The following ARB2A variants were observed in gnomAD, a reference collection of about 807,000 sequenced individuals.
The protein encoded by ARB2A is cotranscriptional regulator ARB2A.
the ARB2A span, among the ~76,000 whole-genome samples, chr5:93,980,194 G>A: frequency 6.6e-6 from 1 of 152,094 alleles, no homozygotes; most frequent in Non-Finnish European, 1.5e-5. Flanking sequence ...AAGGTAAACT[G>A]TCAGCCTTTG....
At chr5:93,838,390 T>C in the ARB2A span, among the ~76,000 whole-genome samples, 1 of 152,198 alleles carries the variant, frequency 6.6e-6, no homozygotes, top group African/African-American at 2.4e-5. Context: ...CATGCTGTTT[T>C]GGTTACTATA....
At chr5:93,995,384 G>A in the ARB2A span, among the ~76,000 whole-genome samples, 8 of 152,230 alleles carry the variant, frequency 5.3e-5, no homozygotes, top group East Asian at 7.7e-4. Flanking sequence ...CATGGGACCC[G>A]TACAAAGTGC....
At chr5:93,654,469 GTTCT>G in the ARB2A span, among the ~76,000 whole-genome samples, 4 of 152,106 alleles carry the variant, frequency 2.6e-5, no homozygotes, top group African/African-American at 7.2e-5. Context: ...TCACAGAAAT[GTTCT>G]TTCTACTTCA....
At chr5:93,637,913 G>C in the ARB2A span, among the ~76,000 whole-genome samples, 1 of 152,120 alleles carries the variant, frequency 6.6e-6, no homozygotes, top group African/African-American at 2.4e-5. Flanking sequence ...CTTGACCTTT[G>C]GAGGGTCTGG....
At chr5:93,620,001 C>CT in the ARB2A span, 1 of 152,190 alleles carries the variant, frequency 6.6e-6, no homozygotes, top group Non-Finnish European at 1.5e-5. Context: ...CTAGAAGGGC[C>CT]TAACTCCAGG....
chr5:93,747,846 C>T, the ARB2A span, among the ~76,000 whole-genome samples: 1 of 152,058 alleles, frequency 6.6e-6, no homozygotes, highest in Non-Finnish European at 1.5e-5. Context: ...AAACTGAAAG[C>T]AAGATTTCTA....
chr5:93,893,452 GA>G, the ARB2A span, among the ~76,000 whole-genome samples: 6 of 152,170 alleles, frequency 3.9e-5, no homozygotes, highest in Non-Finnish European at 4.4e-5. Flanking sequence ...TCTTTTGACA[GA>G]AAATACGACT....
chr5:93,880,913 C>T, the ARB2A span, among the ~76,000 whole-genome samples: 1 of 151,708 alleles, frequency 6.6e-6, no homozygotes, highest in Admixed American at 6.6e-5. Context: ...ATTAATTACT[C>T]TTCCTCCCTC....
At chr5:94,045,700 G>T in the ARB2A span, among the ~76,000 whole-genome samples, 4 of 151,930 alleles carry the variant, frequency 2.6e-5, no homozygotes, top group African/African-American at 7.3e-5. Context: ...AACAAATATT[G>T]TCAGGACACA....
At chr5:93,867,313 C>G in the ARB2A span, among the ~76,000 whole-genome samples, 1 of 152,170 alleles carries the variant, frequency 6.6e-6, no homozygotes, top group African/African-American at 2.4e-5. Context: ...AGCATCCAAA[C>G]TGATAGTTCT....
chr5:93,878,526 T>A, the ARB2A span, among the ~76,000 whole-genome samples: 1 of 151,996 alleles, frequency 6.6e-6, no homozygotes, highest in Non-Finnish European at 1.5e-5. Flanking sequence ...GGCAGGGTCC[T>A]CAGACTGAGT....
At chr5:93,621,566 G>A in the ARB2A span, among the ~76,000 whole-genome samples, 2 of 152,238 alleles carry the variant, frequency 1.3e-5, no homozygotes, top group Middle Eastern at 3.2e-3. Flanking sequence ...CTCCCTCCGG[G>A]AAACCACCCA....
the ARB2A span, among the ~76,000 whole-genome samples, chr5:93,755,609 C>T: frequency 1.3e-5 from 2 of 152,232 alleles, no homozygotes; most frequent in African/African-American, 4.8e-5. Flanking sequence ...AAACACACAG[C>T]CCCACTGGAG....
the ARB2A span, among the ~76,000 whole-genome samples, chr5:93,716,270 A>T: frequency 6.6e-6 from 1 of 152,222 alleles, no homozygotes; most frequent in Non-Finnish European, 1.5e-5. Context: ...ACTAAAGAGA[A>T]TAAGAAAGAA....
At chr5:93,851,356 A>G in the ARB2A span, among the ~76,000 whole-genome samples, 1 of 152,174 alleles carries the variant, frequency 6.6e-6, no homozygotes, top group East Asian at 1.9e-4. Context: ...CTTATCCATT[A>G]TATCTTGCTG....
chr5:93,810,070 G>A, the ARB2A span, among the ~76,000 whole-genome samples: 1 of 151,994 alleles, frequency 6.6e-6, no homozygotes, highest in Non-Finnish European at 1.5e-5. Context: ...TATCAGGTAT[G>A]TTGTTTAGCC....
chr5:93,953,171 G>T, the ARB2A span, among the ~76,000 whole-genome samples: 1 of 152,254 alleles, frequency 6.6e-6, no homozygotes, highest in Non-Finnish European at 1.5e-5. Flanking sequence ...TAGTTCACCT[G>T]GTGAGGTCAT....
chr5:93,723,792 A>G, the ARB2A span, among the ~76,000 whole-genome samples: 1 of 152,006 alleles, frequency 6.6e-6, no homozygotes. Flanking sequence ...GAGCTGTTTT[A>G]AGTTCAACAT....
At chr5:93,784,597 T>C in the ARB2A span, 4 of 843,350 alleles carry the variant, frequency 4.7e-6, no homozygotes, top group African/African-American at 6.9e-5. Context: ...ATATTAACAA[T>C]GAAAAAGCAA....
Sources: allele counts gnomAD v4.1 joint callset (sites outside exome capture counted in the v4.1 genomes callset), GRCh38; gene constraint gnomAD v4.1.1; transcripts MANE v1.5; gene names NCBI Gene and HGNC (gene_info 2026-07-23, HGNC 2026-07-21).